Variants in EGLN1 observed in about 807,000 individuals in gnomAD.
EGLN1 encodes the protein egl-9 family hypoxia inducible factor 1.
A neutral mutation model predicts 38.3 loss-of-function variants in EGLN1; 17 were observed. The observed-to-expected ratio is 0.44, with a 90% CI of 0.30 to 0.67. EGLN1 has a LOEUF of 0.67. EGLN1 is among the 30% of genes least tolerant of loss of function. The probability of loss-of-function intolerance (pLI) is 0.08; values close to 1 mark genes in which losing one functional copy is unlikely to be tolerated. For missense variants in EGLN1, 477 were observed against 603.3 expected, an observed-to-expected ratio of 0.79 and a Z score of 2.19; for synonymous variants, 283 against 257.5, an observed-to-expected ratio of 1.10 and a Z score of -0.95.
intron 1 of EGLN1, among the ~76,000 whole-genome samples, chr1:231,390,403 T>C (rs1335497085): frequency 1.1e-4 from 17 of 152,256 alleles, no homozygotes; most frequent in Admixed American, 1.1e-3. Flanking sequence ...CCACGTACTA[T>C]GCTAAGTTTA....
At chr1:231,419,261 G>C (rs1051981771) in intron 1 of EGLN1, among the ~76,000 whole-genome samples, 1 of 152,144 alleles carries the variant, frequency 6.6e-6, no homozygotes, top group Non-Finnish European at 1.5e-5. Flanking sequence ...TTTCCTAATA[G>C]CATCTCTATG....
At chr1:231,375,806 C>G (rs1303963874) in intron 1 of EGLN1, among the ~76,000 whole-genome samples, 1 of 152,146 alleles carries the variant, frequency 6.6e-6, no homozygotes, top group Admixed American at 6.5e-5. Context: ...TAAGAGGGTA[C>G]TAATTTAACA....
At chr1:231,377,577 G>C (rs1687991727) in intron 1 of EGLN1, among the ~76,000 whole-genome samples, 1 of 152,222 alleles carries the variant, frequency 6.6e-6, no homozygotes. Flanking sequence ...TGAAAGAGCA[G>C]TTTTAATTAC....
At chr1:231,413,163 C>A (rs2491418) in intron 1 of EGLN1, among the ~76,000 whole-genome samples, 22,838 of 151,862 alleles carry the variant, frequency 0.15, 2,072 homozygotes, top group African/African-American at 0.25. Context: ...GCAAGCTCCA[C>A]CTCCTGGGTT....
intron 1 of EGLN1, among the ~76,000 whole-genome samples, chr1:231,385,696 T>C (rs1451209384): frequency 6.6e-6 from 1 of 152,144 alleles, no homozygotes; most frequent in African/African-American, 2.4e-5. Flanking sequence ...AAGTGACACA[T>C]TCAGACTAGA....
chr1:231,366,893 T>C (rs990491972), intron 4 of EGLN1, among the ~76,000 whole-genome samples: 2 of 152,168 alleles, frequency 1.3e-5, no homozygotes, highest in Non-Finnish European at 2.9e-5. Flanking sequence ...TAATCAGTAA[T>C]GTGAATACTC....
At chr1:231,411,130 A>G (rs1688931701) in intron 1 of EGLN1, among the ~76,000 whole-genome samples, 1 of 152,194 alleles carries the variant, frequency 6.6e-6, no homozygotes, top group Admixed American at 6.5e-5. Context: ...CTCATATTGA[A>G]TTATAATCCC....
intron 2 of EGLN1, among the ~76,000 whole-genome samples, chr1:231,371,370 G>T (rs966066750): frequency 2.6e-5 from 4 of 152,012 alleles, no homozygotes; most frequent in African/African-American, 7.2e-5. Context: ...ATTATTATTA[G>T]AAATAAATTA....
intron 1 of EGLN1, among the ~76,000 whole-genome samples, chr1:231,392,869 C>G (rs1688428708): frequency 6.6e-6 from 1 of 152,184 alleles, no homozygotes; most frequent in African/African-American, 2.4e-5. Flanking sequence ...TCTTCTCTTT[C>G]CAGGTGCCTC....
At chr1:231,405,273 C>T (rs547604132) in intron 1 of EGLN1, among the ~76,000 whole-genome samples, 9 of 152,018 alleles carry the variant, frequency 5.9e-5, no homozygotes, top group Non-Finnish European at 7.4e-5. Flanking sequence ...CCCGGGTTCA[C>T]GCCATTCTCC....
intron 1 of EGLN1, among the ~76,000 whole-genome samples, chr1:231,402,422 T>C (rs1688685573): frequency 1.3e-5 from 2 of 151,908 alleles, no homozygotes; most frequent in South Asian, 4.2e-4. Flanking sequence ...TAAAGTTTTA[T>C]GGATTTAGGT....
chr1:231,366,998 C>T (rs534801661), intron 4 of EGLN1, among the ~76,000 whole-genome samples: 1 of 152,124 alleles, frequency 6.6e-6, no homozygotes, highest in Non-Finnish European at 1.5e-5. Flanking sequence ...AGAGGCAGTC[C>T]ATAAGTGGAA....
intron 1 of EGLN1, among the ~76,000 whole-genome samples, 186 bp from the exon 2 acceptor site, chr1:231,374,285 T>C (rs918674297): frequency 3.3e-5 from 5 of 152,220 alleles, no homozygotes; most frequent in African/African-American, 1.2e-4. Flanking sequence ...GATAGGTTGA[T>C]GAACAAGGAC....
At chr1:231,415,258 G>A (rs1192023427) in intron 1 of EGLN1, among the ~76,000 whole-genome samples, 1 of 140,136 alleles carries the variant, frequency 7.1e-6, no homozygotes, top group Non-Finnish European at 1.5e-5. Flanking sequence ...GGGCATGTTA[G>A]GCCCTGTCCT....
chr1:231,415,574 G>C (rs1016332041), intron 1 of EGLN1, among the ~76,000 whole-genome samples: 4 of 152,174 alleles, frequency 2.6e-5, no homozygotes, highest in Non-Finnish European at 5.9e-5. Context: ...ATTCTTAAAA[G>C]AATCAGAAAG....
At chr1:231,417,623 A>C (rs1396915018) in intron 1 of EGLN1, among the ~76,000 whole-genome samples, 1 of 152,186 alleles carries the variant, frequency 6.6e-6, no homozygotes. Flanking sequence ...TAACGGCAAA[A>C]AGGAGAAAAT....
intron 1 of EGLN1, among the ~76,000 whole-genome samples, chr1:231,406,715 A>C (rs1688806160): frequency 6.6e-6 from 1 of 151,928 alleles, no homozygotes; most frequent in Non-Finnish European, 1.5e-5. Flanking sequence ...CATAGGGTCT[A>C]TGGAGGGGCT....
chr1:231,377,252 G>GT (rs1388849874), intron 1 of EGLN1, among the ~76,000 whole-genome samples: 2 of 152,188 alleles, frequency 1.3e-5, no homozygotes, highest in African/African-American at 2.4e-5. Flanking sequence ...CTAAACTGAG[G>GT]TTTAGAAAGG....
chr1:231,367,494 T>C (rs1687681730), intron 4 of EGLN1, 75 bp downstream of exon 4: 1 of 1,433,358 alleles, frequency 7.0e-7, no homozygotes, highest in Admixed American at 1.7e-5. Context: ...AAGACTATGC[T>C]TGAGTTTCCT....
Sources: allele counts gnomAD v4.1 joint callset (sites outside exome capture counted in the v4.1 genomes callset), GRCh38; gene constraint gnomAD v4.1.1; transcripts MANE v1.5; gene names NCBI Gene and HGNC (gene_info 2026-07-23, HGNC 2026-07-21).